The following MSANTD1 variants were observed in gnomAD, a reference collection of about 807,000 sequenced individuals.
MSANTD1 encodes the protein Myb/SANT DNA binding domain containing 1.
Under a neutral mutation model 24.2 loss-of-function variants are expected in MSANTD1, and 7 were observed. The observed-to-expected ratio is 0.29, with a 90% CI of 0.16 to 0.54. The LOEUF (loss-of-function observed/expected upper bound fraction) is 0.54, where lower values mean the gene tolerates loss of function less well. Ranked by LOEUF, MSANTD1 falls within the 20% of genes least tolerant of loss-of-function variation. MSANTD1 has a pLI of 0.94. For synonymous variants in MSANTD1, 177 were observed against 181.1 expected (o/e 0.98, Z 0.18); for missense variants, 384 against 408.2 (o/e 0.94, Z 0.51).
Position 3,249,548 on chromosome 4 carries a change from C to A in MSANTD1, c.320+6C>A. On this transcript the variant is annotated splice_donor_region_variant and intron_variant, in intron 1 of 2. Coordinates refer to ENST00000438480, the MANE Select transcript of MSANTD1 (RefSeq NM_001042690.2). ...AACATGACCTTCCAGTACAGGTGGG[C>A]GAGCGGGCAGTGTGGGCCCCACCAG... is the stretch of plus-strand genomic sequence containing the variant. 1 of 1,603,304 alleles carries A rather than the reference C, an allele frequency of 6.2e-7. No individual in the cohort carries two copies. The highest frequency in any genetic ancestry group is 8.5e-7 in the Non-Finnish European group (1 of 1,173,898).
At chr4:3,254,972 C>T (rs1217057944) in intron 2 of MSANTD1, among the ~76,000 whole-genome samples, 3 of 152,198 alleles carry the variant, frequency 2.0e-5, no homozygotes, top group African/African-American at 7.2e-5. Flanking sequence ...GTACTCTGCA[C>T]TACCCAGCAC....
rs1722282440 is a variant in MSANTD1 at position 3,253,228 on chromosome 4, T to C, written c.342T>C (p.Asp114=). 3 of 1,569,818 alleles carry C rather than the reference T, an allele frequency of 1.9e-6. No homozygotes were observed. The highest frequency in any genetic ancestry group is 2.6e-6 in the Non-Finnish European group (3 of 1,153,170). ...TCAGGAAATTAAAATGCATGACAGA[T>C]AGCGAGTCCGCCCCGCCCGACTGGC... ...FQYRKLKCMT[D]SESAPPDWPY... is the part of the protein sequence containing the mutation. Residue 114 remains aspartate, a synonymous_variant, in exon 2 of 3, where the codon GAT becomes GAC. Transcript: ENST00000438480.
At chr4:3,253,564 C>CCGG (rs756037945) in intron 2 of MSANTD1, 82 bp downstream of exon 2, 1 of 1,386,676 alleles carries the variant, frequency 7.2e-7, no homozygotes. Flanking sequence ...AGTGGCAAGG[C>CCGG]CGGCGGCGGC....
In MSANTD1 at chr4:3,249,999, A is replaced by G. The variant is rs560931309; in HGVS notation, c.320+457A>G. Among the ~76,000 whole-genome samples, 30 of 152,326 alleles carry G rather than the reference A, an allele frequency of 2.0e-4. 1 individual carries two copies. Among genetic ancestry groups the G allele is most frequent in the African/African-American group, 7.0e-4 (29 of 41,586 alleles). On this transcript the variant is annotated intron_variant, in intron 1 of 2. Transcript: ENST00000438480. ...AGCTCAGCAGGGGTTTCAGGGGCCT[A>G]CTGCGTCATTGGGGAAATTGAGACT...
rs1337088599 is a variant in MSANTD1, at chr4:3,251,411, G to A, written c.321-1796G>A. On this transcript the variant is annotated intron_variant, in intron 1 of 2. Transcript: ENST00000438480. ...GAGAGATGAGGGTGCAGCAGAGTGGGGGCCTCCACTCCAGACCCTGCAGTC... is the reference window on the plus strand; with the variant it reads ...GAGAGATGAGGGTGCAGCAGAGTGGAGGCCTCCACTCCAGACCCTGCAGTC... Among the ~76,000 whole-genome samples the A allele has an allele frequency of 3.9e-5, 6 of 152,344 alleles. No homozygotes were observed. In the South Asian group the frequency reaches 6.2e-4, roughly 16 times the overall value.
At chr4:3,253,545 G>A in intron 2 of MSANTD1, 63 bp downstream of exon 2, 1 of 1,419,554 alleles carries the variant, frequency 7.0e-7, no homozygotes, top group Admixed American at 2.9e-5. Flanking sequence ...TTTAGAGAAA[G>A]GGACTGGGAG....
In MSANTD1 at chr4:3,255,349, G is replaced by A. The variant is rs1286019599; in HGVS notation, c.597-376G>A. On this transcript the variant is annotated intron_variant, in intron 2 of 2. Coordinates refer to ENST00000438480, the MANE Select transcript of MSANTD1 (RefSeq NM_001042690.2). ...AGCGATTCTCCTGCCTCAGCCTCCC[G>A]AGTAGCTGGGATTACAGGCACCCGC... 5.3e-5 allele frequency among the ~76,000 whole-genome samples: 8 copies of A among 150,822 alleles called. 1 individual carries two copies. Among genetic ancestry groups the A allele is most frequent in the South Asian group, 2.1e-4 (1 of 4,768 alleles).
In MSANTD1 at chr4:3,256,429, G is replaced by A. The variant is rs1365217077; in HGVS notation, c.*464G>A. The A allele has an allele frequency of 2.0e-5, 3 of 153,080 alleles. No individual in the cohort carries two copies. Among genetic ancestry groups the A allele is most frequent in the African/African-American group, 7.2e-5 (3 of 41,462 alleles). 9.5% of individuals were successfully genotyped at this position (153,080 alleles called of 1,614,324 possible). ...GCTGGAGCTGGGGGAGCTCTCTCCTGAAGGGAACCCTGTGTCCTCCCTCAC... is the reference window on the plus strand; with the variant it reads ...GCTGGAGCTGGGGGAGCTCTCTCCTAAAGGGAACCCTGTGTCCTCCCTCAC... On this transcript the variant is annotated 3_prime_UTR_variant, in exon 3 of 3. Transcript: ENST00000438480.
upstream of MSANTD1, among the ~76,000 whole-genome samples, chr4:3,246,960 C>T (rs143316738): frequency 2.2e-4 from 33 of 152,280 alleles, no homozygotes; most frequent in East Asian, 5.2e-3. Flanking sequence ...TGCCTCCCTG[C>T]GCCCACTGGA....
At chr4:3,250,292 T>G (rs900151060) in intron 1 of MSANTD1, among the ~76,000 whole-genome samples, 1 of 152,128 alleles carries the variant, frequency 6.6e-6, no homozygotes, top group African/African-American at 2.4e-5. Flanking sequence ...AGGTGGGCCC[T>G]TCCTGCCCTG....
In MSANTD1 at chr4:3,255,719, T is replaced by C; in HGVS notation, c.597-6T>C. 1.3e-6 allele frequency: 2 copies of C among 1,534,906 alleles called. No homozygotes were observed. The highest frequency in any genetic ancestry group is 1.2e-5 in the South Asian group (1 of 82,482). Reference sequence around the variant, plus strand: ...AGCACGTCCACAGCCGGCACTGTCCTTCCAGGTCGGAGGAGCGGCCGGTGA... The same window carrying C: ...AGCACGTCCACAGCCGGCACTGTCCCTCCAGGTCGGAGGAGCGGCCGGTGA... On this transcript the variant is annotated splice_region_variant and splice_polypyrimidine_tract_variant and intron_variant, in intron 2 of 2. Coordinates refer to ENST00000438480, the MANE Select transcript of MSANTD1 (RefSeq NM_001042690.2).
At chr4:3,253,564 CCGG>C (rs756037945) in intron 2 of MSANTD1, 82 bp downstream of exon 2, 238 of 1,386,462 alleles carry the variant, frequency 1.7e-4, no homozygotes, top group African/African-American at 2.3e-4. Flanking sequence ...AGTGGCAAGG[CCGG>C]CGGCGGCGGC....
Position 3,249,220 on chromosome 4 carries a change from C to A in MSANTD1, c.-3C>A. On this transcript the variant is annotated 5_prime_UTR_variant, in exon 1 of 3. Transcript: ENST00000438480. ...GAGCGAGCGTGAGCGGCGCCTCCCG[C>A]CCATGGTGCGTGGGGCCGGGCCGGG... The A allele has an allele frequency of 7.2e-7, 1 of 1,396,676 alleles. No homozygotes were observed. The highest frequency in any genetic ancestry group is 9.3e-7 in the Non-Finnish European group (1 of 1,077,678). The allele number at this position is 1,396,676 out of a possible 1,614,324, so 86.5% of individuals were successfully genotyped here. A position where few individuals can be genotyped will look rare whatever the true frequency, so the allele number is the denominator to read the frequency against.
intron 1 of MSANTD1, among the ~76,000 whole-genome samples, chr4:3,249,903 A>G (rs189537224): frequency 6.6e-6 from 1 of 152,088 alleles, no homozygotes; most frequent in East Asian, 1.9e-4. Context: ...GGTGGTGCCC[A>G]CTGACCTCAC....
At chr4:3,251,624 G>A (rs568344734) in intron 1 of MSANTD1, among the ~76,000 whole-genome samples, 2 of 152,040 alleles carry the variant, frequency 1.3e-5, no homozygotes, top group East Asian at 1.9e-4. Context: ...TGGGTGACTC[G>A]ATCTTTGTCC....
rs1254251400 is a variant in MSANTD1 at position 3,253,439 on chromosome 4, G to T, written c.553G>T (p.Asp185Tyr). The change falls in exon 2 of 3, where the codon GAT becomes TAT. Residue 185 changes from aspartate (D) to tyrosine (Y), a missense_variant. Coordinates refer to ENST00000438480, the MANE Select transcript of MSANTD1 (RefSeq NM_001042690.2). ...QCSYEGRFEDDRSDSSSSLLS... is the reference protein window; with the variant it reads ...QCSYEGRFEDYRSDSSSSLLS... Reference sequence around the variant, plus strand: ...CTCCTACGAAGGCCGCTTCGAGGATGATCGCTCCGACAGCTCCTCCAGCTT... The same window carrying T: ...CTCCTACGAAGGCCGCTTCGAGGATTATCGCTCCGACAGCTCCTCCAGCTT... 6.3e-7 allele frequency: 1 copy of T among 1,582,038 alleles called. No individual in the cohort carries two copies. Among genetic ancestry groups the T allele is most frequent in the Admixed American group, 1.8e-5 (1 of 56,784 alleles).
In MSANTD1 at chr4:3,256,148, C is replaced by A; in HGVS notation, c.*183C>A. On this transcript the variant is annotated 3_prime_UTR_variant, in exon 3 of 3. Coordinates refer to ENST00000438480, the MANE Select transcript of MSANTD1 (RefSeq NM_001042690.2). Reference sequence around the variant, plus strand: ...TTGAGGAACCCCCAGGCCCTGGGGACCGTGAGGCTCCAGTCTCCAGCATGA... The same window carrying A: ...TTGAGGAACCCCCAGGCCCTGGGGAACGTGAGGCTCCAGTCTCCAGCATGA... The A allele has an allele frequency of 1.5e-6, 1 of 649,378 alleles. No individual in the cohort carries two copies. Among genetic ancestry groups the A allele is most frequent in the Non-Finnish European group, 2.4e-6 (1 of 417,372 alleles). The allele number at this position is 649,378 out of a possible 1,614,324, so 40.2% of individuals were successfully genotyped here.
chr4:3,252,763 A>G (rs1197771491), intron 1 of MSANTD1, among the ~76,000 whole-genome samples: 1 of 152,272 alleles, frequency 6.6e-6, no homozygotes, highest in Non-Finnish European at 1.5e-5. Flanking sequence ...CAACACAGTT[A>G]TTATATTACA....
upstream of MSANTD1, chr4:3,246,607 G>A: frequency 1.5e-6 from 1 of 682,076 alleles, no homozygotes; most frequent in East Asian, 2.8e-5. Context: ...TGGTTGACCA[G>A]CCTCTGGCCC....
Sources: gnomAD v4.1 joint callset for allele counts (sites outside exome capture counted in the v4.1 genomes callset) on GRCh38, gnomAD v4.1.1 for gene constraint, MANE v1.5 for transcripts, NCBI Gene and HGNC (gene_info 2026-07-23, HGNC 2026-07-21) for gene names.